Variants in G3BP2 observed in about 807,000 individuals in gnomAD.
The protein encoded by G3BP2 is G3BP stress granule assembly factor 2.
Under a neutral mutation model 56.7 loss-of-function variants are expected in G3BP2, and 11 were observed. The observed-to-expected ratio is 0.19, with a 90% CI of 0.12 to 0.32. The LOEUF (loss-of-function observed/expected upper bound fraction) is 0.32, where lower values mean the gene tolerates loss of function less well. Among genes scored for constraint, G3BP2 ranks in the 10% least tolerant of loss-of-function variants. G3BP2 has a pLI of 1.00. For missense variants in G3BP2, 340 were observed against 610.9 expected (o/e 0.56, Z 4.67); for synonymous variants, 165 against 191.6 (o/e 0.86, Z 1.15).
At chr4:75,681,118 G>A (rs900366176) in intron 3 of G3BP2, among the ~76,000 whole-genome samples, 7 of 150,856 alleles carry the variant, frequency 4.6e-5, no homozygotes, top group African/African-American at 1.7e-4. Context: ...GAGGTCAGGA[G>A]TTCAAGACCA....
At chr4:75,658,082 G>C (rs1319605453) in intron 3 of G3BP2, among the ~76,000 whole-genome samples, 1 of 152,026 alleles carries the variant, frequency 6.6e-6, no homozygotes, top group Non-Finnish European at 1.5e-5. Context: ...TTCCTTATTT[G>C]GTAAGGCCAA....
chr4:75,674,752 T>C (rs1457514979), upstream of G3BP2, among the ~76,000 whole-genome samples: 1 of 136,940 alleles, frequency 7.3e-6, no homozygotes, highest in Non-Finnish European at 1.6e-5. Flanking sequence ...AGATGGAGTC[T>C]CTCTGTGTCG....
At chr4:75,687,318 A>C (rs983372399) in intron 3 of G3BP2, among the ~76,000 whole-genome samples, 9 of 152,202 alleles carry the variant, frequency 5.9e-5, no homozygotes, top group Non-Finnish European at 1.2e-4. Context: ...GTTTCCCTGC[A>C]CAGGCTTTCT....
intron 1 of G3BP2, among the ~76,000 whole-genome samples, chr4:75,663,139 T>C (rs965076383): frequency 6.6e-6 from 1 of 152,236 alleles, no homozygotes; most frequent in African/African-American, 2.4e-5. Context: ...AAGGAGTTTA[T>C]AGTCTGTCAA....
intron 3 of G3BP2, among the ~76,000 whole-genome samples, chr4:75,691,946 A>G (rs960942067): frequency 4.6e-5 from 7 of 152,174 alleles, no homozygotes; most frequent in Non-Finnish European, 1.0e-4. Context: ...TGATTTTCCC[A>G]AAGAACTGAA....
chr4:75,701,264 T>C (rs1479686659), intron 3 of G3BP2, among the ~76,000 whole-genome samples: 1 of 152,224 alleles, frequency 6.6e-6, no homozygotes, highest in African/African-American at 2.4e-5. Flanking sequence ...AATAATATTC[T>C]AGTTACTGCA....
At chr4:75,653,080 C>G (rs1395781530) in intron 8 of G3BP2, among the ~76,000 whole-genome samples, 2 of 151,054 alleles carry the variant, frequency 1.3e-5, no homozygotes, top group African/African-American at 4.9e-5. Flanking sequence ...AGGGTAACCA[C>G]GCATTGCCTG....
At chr4:75,674,674 G>A (rs1387778236), upstream of G3BP2, among the ~76,000 whole-genome samples, 2 of 129,372 alleles carry the variant, frequency 1.5e-5, no homozygotes, top group African/African-American at 5.5e-5. Context: ...AACCCTATGA[G>A]CTAGTTGCTA....
At chr4:75,722,146 A>T (rs1184468738) in intron 2 of G3BP2, among the ~76,000 whole-genome samples, 2 of 152,114 alleles carry the variant, frequency 1.3e-5, no homozygotes, top group Non-Finnish European at 2.9e-5. Flanking sequence ...CTCTGAAATA[A>T]GGAGTCTATT....
At chr4:75,655,268 A>G (rs1578388464) in intron 6 of G3BP2, 22 bp from the exon 7 acceptor site, 3 of 1,552,696 alleles carry the variant, frequency 1.9e-6, no homozygotes. Flanking sequence ...TATTTAGTTC[A>G]CTTTTTAGTA....
intron 3 of G3BP2, among the ~76,000 whole-genome samples, chr4:75,682,045 G>A (rs1379670679): frequency 6.6e-6 from 1 of 152,064 alleles, no homozygotes; most frequent in Non-Finnish European, 1.5e-5. Flanking sequence ...GGACAAGAAT[G>A]ATTAACATCT....
chr4:75,667,874 A>G (rs1733180605), intron 1 of G3BP2, among the ~76,000 whole-genome samples: 1 of 152,186 alleles, frequency 6.6e-6, no homozygotes, highest in South Asian at 2.1e-4. Flanking sequence ...GGGCAACAAG[A>G]GCGAAACTCT....
chr4:75,665,662 C>A (rs763194215), intron 1 of G3BP2, among the ~76,000 whole-genome samples: 1 of 105,072 alleles, frequency 9.5e-6, no homozygotes, highest in Non-Finnish European at 1.9e-5. Context: ...AACAAACACA[C>A]ACACACACAC....
chr4:75,677,521 A>C (rs769304007), upstream of G3BP2, among the ~76,000 whole-genome samples: 20 of 152,120 alleles, frequency 1.3e-4, no homozygotes, highest in South Asian at 8.3e-4. Flanking sequence ...TGGTAACCCG[A>C]GATCGCACCA....
intron 3 of G3BP2, among the ~76,000 whole-genome samples, chr4:75,696,974 T>G (rs927856698): frequency 5.3e-5 from 8 of 152,074 alleles, no homozygotes; most frequent in Non-Finnish European, 7.4e-5. Context: ...TTTATTTTCA[T>G]CCCCTTTAAA....
chr4:75,671,200 AT>A (rs1733456997), intron 1 of G3BP2, among the ~76,000 whole-genome samples: 1 of 152,212 alleles, frequency 6.6e-6, no homozygotes. Flanking sequence ...ATTCTACTGA[AT>A]TTAAGTTCAG....
At chr4:75,694,833 A>C in intron 3 of G3BP2, 1 of 985,674 alleles carries the variant, frequency 1.0e-6, no homozygotes, top group Non-Finnish European at 1.2e-6. Context: ...GCACTAGCAG[A>C]CAGGATGGGC....
chr4:75,716,151 G>C (rs541553763), intron 3 of G3BP2, among the ~76,000 whole-genome samples: 35 of 152,190 alleles, frequency 2.3e-4, no homozygotes, highest in African/African-American at 8.4e-4. Context: ...AGTGGGAAGG[G>C]CAAGTTGGAG....
chr4:75,645,825 C>G (rs1163421615), intron 11 of G3BP2, 123 bp from the exon 12 acceptor site: 5 of 821,240 alleles, frequency 6.1e-6, no homozygotes, highest in East Asian at 2.6e-5. Flanking sequence ...CCCCACCCCC[C>G]AGAGATAGGG....
Sources: gnomAD v4.1 joint callset for allele counts (sites outside exome capture counted in the v4.1 genomes callset) on GRCh38, gnomAD v4.1.1 for gene constraint, MANE v1.5 for transcripts, NCBI Gene and HGNC (gene_info 2026-07-23, HGNC 2026-07-21) for gene names.